The following FNBP1L variants were observed in gnomAD, a reference collection of about 807,000 sequenced individuals.
FNBP1L encodes the protein formin-binding protein 1-like.
FNBP1L carries 36 observed loss-of-function variants against 91.2 expected under a neutral mutation model. The ratio of observed to expected loss-of-function variants is 0.39; its 90% confidence interval spans 0.30 to 0.52. The LOEUF (loss-of-function observed/expected upper bound fraction) is 0.52, where lower values mean the gene tolerates loss of function less well. Ranked by LOEUF, FNBP1L falls within the 20% of genes least tolerant of loss-of-function variation. The pLI, the probability that FNBP1L is intolerant of heterozygous loss-of-function variation, is 0.66. For synonymous variants in FNBP1L, 242 were observed against 237.0 expected, an observed-to-expected ratio of 1.02 and a Z score of -0.19; for missense variants, 571 against 732.1, an observed-to-expected ratio of 0.78 and a Z score of 2.54.
At chr1:93,550,751 T>C (rs1000670465) in intron 15 of FNBP1L, among the ~76,000 whole-genome samples, 196 bp from the exon 16 acceptor site, 1 of 152,198 alleles carries the variant, frequency 6.6e-6, no homozygotes, top group Non-Finnish European at 1.5e-5. Context: ...GGGCTTATTA[T>C]GCAGCTCAAA....
rs568521245 is a variant in FNBP1L at position 93,449,126 on chromosome 1, C to T, written c.24+821C>T. ...CTTGTTCTTTCTCCTTCGTTCTCTC[C>T]TTTCCTTTCCTCCTTGCCTTTCTTT... is the stretch of plus-strand genomic sequence containing the variant. On this transcript the variant is annotated intron_variant, in intron 1 of 16. Transcript: ENST00000271234. Among the ~76,000 whole-genome samples the T allele has an allele frequency of 3.0e-4, 45 of 152,358 alleles. No individual in the cohort carries two copies. The South Asian group carries it at 4.3e-3, about 15-fold the overall frequency.
At chr1:93,548,699 G>A (rs1672314014) in intron 14 of FNBP1L, among the ~76,000 whole-genome samples, 1 of 152,130 alleles carries the variant, frequency 6.6e-6, no homozygotes, top group Admixed American at 6.6e-5. Flanking sequence ...AGGCTCCAAA[G>A]CTCTAGGCGA....
intron 1 of FNBP1L, among the ~76,000 whole-genome samples, chr1:93,487,650 C>T (rs1669952060): frequency 6.6e-6 from 1 of 152,122 alleles, no homozygotes; most frequent in Non-Finnish European, 1.5e-5. Context: ...ACAGGTCAAC[C>T]TAACTAGCCA....
chr1:93,518,867 C>G (rs1232061403), intron 2 of FNBP1L, among the ~76,000 whole-genome samples: 1 of 152,090 alleles, frequency 6.6e-6, no homozygotes, highest in Non-Finnish European at 1.5e-5. Context: ...CAGTCATTTC[C>G]TCCTCCTCCA....
chr1:93,545,851 TAAA>T (rs34287128), intron 12 of FNBP1L, among the ~76,000 whole-genome samples: 1 of 146,750 alleles, frequency 6.8e-6, no homozygotes, highest in Non-Finnish European at 1.5e-5. Context: ...GGAGGAAGCT[TAAA>T]AAAAAAAAAA....
At chr1:93,492,705 C>T (rs942828183) in intron 1 of FNBP1L, among the ~76,000 whole-genome samples, 2 of 152,024 alleles carry the variant, frequency 1.3e-5, no homozygotes, top group African/African-American at 4.8e-5. Context: ...TAAAAATTAG[C>T]TTAAGCCCAG....
rs2101780907 is a variant in FNBP1L, at chr1:93,553,010, G to T, written c.*594G>T. 1 of 152,316 alleles carries T rather than the reference G, an allele frequency of 6.6e-6. No individual in the cohort carries two copies. The highest frequency in any genetic ancestry group is 1.9e-4 in the East Asian group (1 of 5,186). The allele number at this position is 152,316 out of a possible 1,614,324, so 9.4% of individuals were successfully genotyped here. A position where few individuals can be genotyped will look rare whatever the true frequency, so the allele number is the denominator to read the frequency against. ...CACTAATGTTTCCATCTTAGTATTT[G>T]TGCACACTGCTATAACTTCCCCACT... On this transcript the variant is annotated 3_prime_UTR_variant, in exon 17 of 17. Coordinates refer to ENST00000271234, the MANE Select transcript of FNBP1L (RefSeq NM_001164473.3).
intron 2 of FNBP1L, among the ~76,000 whole-genome samples, chr1:93,511,134 A>C (rs1197904553): frequency 6.6e-6 from 1 of 152,154 alleles, no homozygotes; most frequent in Admixed American, 6.6e-5. Context: ...GAGAAGAGCA[A>C]CTCCAAGACA....
Position 93,524,267 on chromosome 1 carries a change from CAAG to C in FNBP1L, c.353_355del (p.Glu118del). The C allele has an allele frequency of 1.3e-6, 2 of 1,495,146 alleles. No homozygotes were observed. The highest frequency in any genetic ancestry group is 1.8e-6 in the Non-Finnish European group (2 of 1,120,808). The allele number at this position is 1,495,146 out of a possible 1,614,324, so 92.6% of individuals were successfully genotyped here. On this transcript the variant is annotated inframe_deletion, in exon 5 of 17. Coordinates refer to ENST00000271234, the MANE Select transcript of FNBP1L (RefSeq NM_001164473.3). ...CCGTGGTTATAATCTTCAGCATCTG[CAAG>C]AAGGACGAAAAGCTCAACAATATCT...
chr1:93,505,867 C>T (rs921734693), intron 2 of FNBP1L, among the ~76,000 whole-genome samples: 2 of 152,072 alleles, frequency 1.3e-5, no homozygotes, highest in Non-Finnish European at 2.9e-5. Context: ...TTAGTAGAGA[C>T]GGGGTTTTAC....
chr1:93,537,473 A>T (rs1334001942), intron 10 of FNBP1L, among the ~76,000 whole-genome samples: 1 of 151,846 alleles, frequency 6.6e-6, no homozygotes, highest in East Asian at 1.9e-4. Flanking sequence ...ATAGAACAAG[A>T]TATATTAGTT....
chr1:93,484,193 C>T (rs944330674), intron 1 of FNBP1L, among the ~76,000 whole-genome samples: 1 of 152,250 alleles, frequency 6.6e-6, no homozygotes, highest in African/African-American at 2.4e-5. Context: ...TCCCAAAGTG[C>T]TGGGATTACA....
intron 1 of FNBP1L, among the ~76,000 whole-genome samples, chr1:93,482,464 G>C (rs960954124): frequency 7.2e-5 from 11 of 152,080 alleles, no homozygotes; most frequent in Admixed American, 7.2e-4. Context: ...AGTACTTCAT[G>C]TGCAGTATAA....
At chr1:93,539,333 A>G (rs1005224990) in intron 10 of FNBP1L, among the ~76,000 whole-genome samples, 1 of 151,904 alleles carries the variant, frequency 6.6e-6, no homozygotes, top group East Asian at 1.9e-4. Context: ...GAAGTTTTCT[A>G]GTTTATGAGT....
intron 1 of FNBP1L, among the ~76,000 whole-genome samples, chr1:93,479,865 A>T (rs1289936214): frequency 6.6e-6 from 1 of 152,178 alleles, no homozygotes; most frequent in Non-Finnish European, 1.5e-5. Context: ...ATCAGTTTGT[A>T]CAATAGTGGT....
At chr1:93,473,278 A>G (rs543284014) in intron 1 of FNBP1L, among the ~76,000 whole-genome samples, 3 of 152,302 alleles carry the variant, frequency 2.0e-5, no homozygotes, top group Admixed American at 2.0e-4. Context: ...TTGGGCAAGA[A>G]AGGATCTTAT....
At chr1:93,549,177 A>G in intron 14 of FNBP1L, 101 bp from the exon 15 acceptor site, 1 of 867,034 alleles carries the variant, frequency 1.2e-6, no homozygotes, top group Non-Finnish European at 1.6e-6. Context: ...TGTCATTAAT[A>G]TTTAATTTTT....
chr1:93,517,848 C>T (rs1042867158), intron 2 of FNBP1L, among the ~76,000 whole-genome samples: 1 of 152,168 alleles, frequency 6.6e-6, no homozygotes, highest in African/African-American at 2.4e-5. Flanking sequence ...GTGTTGGCAT[C>T]AGATTTGAGG....
rs981839540 is a variant in FNBP1L at position 93,553,601 on chromosome 1, A to G, written c.*1185A>G. On this transcript the variant is annotated 3_prime_UTR_variant, in exon 17 of 17. Transcript: ENST00000271234. Reference sequence around the variant, plus strand: ...ACGATCATGTTTGATAATTACAATGATAGTCTCTTTCCACGTGATGCTTTT... The same window carrying G: ...ACGATCATGTTTGATAATTACAATGGTAGTCTCTTTCCACGTGATGCTTTT... 1.3e-5 allele frequency: 2 copies of G among 152,654 alleles called. No homozygotes were observed. Among genetic ancestry groups the G allele is most frequent in the Admixed American group, 6.5e-5 (1 of 15,284 alleles). The allele number at this position is 152,654 out of a possible 1,614,324, so 9.5% of individuals were successfully genotyped here.
Sources: allele counts gnomAD v4.1 joint callset (sites outside exome capture counted in the v4.1 genomes callset), GRCh38; gene constraint gnomAD v4.1.1; transcripts MANE v1.5; gene names NCBI Gene and HGNC (gene_info 2026-07-23, HGNC 2026-07-21).